The following KCNMA1 variants were observed in gnomAD, a reference collection of about 807,000 sequenced individuals.
KCNMA1 encodes the protein Calcium-activated potassium channel subunit alpha-1.
In KCNMA1, 29 loss-of-function variants were observed where a neutral mutation model predicts 140.0. The observed-to-expected ratio is 0.21, with a 90% confidence interval of 0.15 to 0.28. The LOEUF is 0.28. Ranked by LOEUF, KCNMA1 falls within the 10% of genes least tolerant of loss-of-function variation. KCNMA1 has a pLI of 1.00. For missense variants in KCNMA1, 880 were observed against 1,602.2 expected, an observed-to-expected ratio of 0.55 and a Z score of 7.70; for synonymous variants, 612 against 611.9, an observed-to-expected ratio of 1.00 and a Z score of 0.00.
intron 5 of KCNMA1, among the ~76,000 whole-genome samples, chr10:77,156,227 TAA>T (rs58950492): frequency 0.031 from 3,757 of 120,024 alleles, 122 homozygotes; most frequent in African/African-American, 0.074. Context: ...GACTCCATCT[TAA>T]AAAAAAAAAA....
At chr10:77,557,799 G>A (rs911342818) in intron 1 of KCNMA1, among the ~76,000 whole-genome samples, 6 of 152,002 alleles carry the variant, frequency 3.9e-5, no homozygotes, top group South Asian at 2.1e-4. Flanking sequence ...ACAGGTGCCC[G>A]CCACCATACC....
chr10:77,068,399 T>C (rs2096041980), intron 14 of KCNMA1, among the ~76,000 whole-genome samples: 1 of 152,182 alleles, frequency 6.6e-6, no homozygotes, highest in Admixed American at 6.5e-5. Flanking sequence ...ATGATTCCCT[T>C]GGCTATGGTT....
chr10:77,066,225 A>C (rs1386260851), intron 14 of KCNMA1, among the ~76,000 whole-genome samples: 1 of 152,182 alleles, frequency 6.6e-6, no homozygotes, highest in African/African-American at 2.4e-5. Context: ...AGGCTGGTGT[A>C]ATATTCTAGG....
intron 15 of KCNMA1, among the ~76,000 whole-genome samples, chr10:77,035,170 C>T (rs1183892906): frequency 1.3e-5 from 2 of 152,220 alleles, no homozygotes; most frequent in Non-Finnish European, 2.9e-5. Context: ...TGGAAAATCT[C>T]GGAGACCTAG....
At chr10:77,576,274 C>T (rs2074053207) in intron 1 of KCNMA1, among the ~76,000 whole-genome samples, 1 of 152,214 alleles carries the variant, frequency 6.6e-6, no homozygotes, top group Non-Finnish European at 1.5e-5. Flanking sequence ...AGAGATCTGC[C>T]TCCTTGAAAC....
chr10:77,552,874 C>A (rs950497279), intron 1 of KCNMA1, among the ~76,000 whole-genome samples: 8 of 152,064 alleles, frequency 5.3e-5, no homozygotes, highest in Admixed American at 5.2e-4. Context: ...CATGGTGAAA[C>A]CCTGTCTCCA....
chr10:76,972,890 T>C (rs912509005), intron 19 of KCNMA1, among the ~76,000 whole-genome samples: 1 of 152,242 alleles, frequency 6.6e-6, no homozygotes, highest in Non-Finnish European at 1.5e-5. Flanking sequence ...TATTTAATTA[T>C]CAGCCTTTAT....
rs986986281 is a variant in KCNMA1, at chr10:77,192,419, T to C, written c.603-7503A>G. 5.3e-5 allele frequency among the ~76,000 whole-genome samples: 8 copies of C among 152,162 alleles called. No individual in the cohort carries two copies. In the East Asian group the frequency reaches 5.8e-4, roughly 11 times the overall value. On this transcript the variant is annotated intron_variant, in intron 3 of 27. Coordinates refer to ENST00000286628, the MANE Select transcript of KCNMA1 (RefSeq NM_001161352.2). ...TATCCACGATAGACCTAGATAGGTA[T>C]AGCAAAAGCAAAATACGGGCATTAC... is the stretch of plus-strand genomic sequence containing the variant.
At chr10:77,114,321 A>G (rs1477606040) in intron 6 of KCNMA1, among the ~76,000 whole-genome samples, 1 of 152,194 alleles carries the variant, frequency 6.6e-6, no homozygotes, top group Non-Finnish European at 1.5e-5. Flanking sequence ...GTGACTCTGC[A>G]CTGAGTGCAC....
At chr10:77,377,817 C>T (rs556242676) in intron 2 of KCNMA1, among the ~76,000 whole-genome samples, 2 of 152,298 alleles carry the variant, frequency 1.3e-5, no homozygotes. Flanking sequence ...ACTCTGAGCC[C>T]GAGTTCCCTC....
At chr10:77,573,652 A>G (rs79404612) in intron 1 of KCNMA1, among the ~76,000 whole-genome samples, 949 of 47,608 alleles carry the variant, frequency 0.02, 3 homozygotes, top group African/African-American at 0.06. Flanking sequence ...GGAATAGAAT[A>G]GAATAGAATA....
chr10:76,947,587 C>G (rs185627445), intron 22 of KCNMA1, among the ~76,000 whole-genome samples: 1 of 152,274 alleles, frequency 6.6e-6, no homozygotes, highest in South Asian at 2.1e-4. Flanking sequence ...ATAATCAAAT[C>G]GACCATATTT....
At chr10:76,985,199 G>A (rs1192334925) in intron 19 of KCNMA1, among the ~76,000 whole-genome samples, 1 of 152,196 alleles carries the variant, frequency 6.6e-6, no homozygotes, top group Non-Finnish European at 1.5e-5. Flanking sequence ...TAAAAACCTA[G>A]AATGTTAATT....
Position 77,395,116 on chromosome 10 carries a change from G to T in KCNMA1, c.540+8746C>A, listed in dbSNP as rs1291472693. Among the ~76,000 whole-genome samples, 10 of 152,246 alleles carry T rather than the reference G, an allele frequency of 6.6e-5. No homozygotes were observed. The East Asian group carries it at 1.9e-3, about 29-fold the overall frequency. On this transcript the variant is annotated intron_variant, in intron 2 of 27. Coordinates refer to ENST00000286628, the MANE Select transcript of KCNMA1 (RefSeq NM_001161352.2). Reference sequence around the variant, plus strand: ...AATCCCAGCACTTTGGGAGGTCAAGGTGAGAGGATTGCCTGGGCCCAGGGG... The same window carrying T: ...AATCCCAGCACTTTGGGAGGTCAAGTTGAGAGGATTGCCTGGGCCCAGGGG...
In KCNMA1 at chr10:77,455,160, T is replaced by A. The variant is rs367622986; in HGVS notation, c.379-51137A>T. Among the ~76,000 whole-genome samples the A allele has an allele frequency of 1.2e-4, 18 of 152,324 alleles. No individual in the cohort carries two copies. The East Asian group carries it at 1.7e-3, about 15-fold the overall frequency. ...ACAGATATTTACTGAGTACCTACCA[T>A]GTGCTTGGCAATACTTTCCAATCTT... On this transcript the variant is annotated intron_variant, in intron 1 of 27. Transcript: ENST00000286628.
chr10:77,381,963 G>A (rs945427055), intron 2 of KCNMA1, among the ~76,000 whole-genome samples: 5 of 152,088 alleles, frequency 3.3e-5, no homozygotes, highest in Non-Finnish European at 5.9e-5. Flanking sequence ...CCTGAGAGGC[G>A]CCACCCAACA....
At chr10:77,160,143 T>C (rs2098539383) in intron 5 of KCNMA1, among the ~76,000 whole-genome samples, 1 of 152,146 alleles carries the variant, frequency 6.6e-6, no homozygotes, top group Non-Finnish European at 1.5e-5. Flanking sequence ...TCCAAGGGTG[T>C]CAACGGAGTA....
Position 76,986,008 on chromosome 10 carries a change from T to A in KCNMA1, c.2266+15399A>T, listed in dbSNP as rs2081174203. Among the ~76,000 whole-genome samples, 3 of 152,194 alleles carry A rather than the reference T, an allele frequency of 2.0e-5. No homozygotes were observed. In the South Asian group the frequency reaches 6.2e-4, roughly 32 times the overall value. ...TGAAACAAATAAACCTCAAATGGGATCAAAGGGCCCCGGTAAATGAAAAAT... is the reference window on the plus strand; with the variant it reads ...TGAAACAAATAAACCTCAAATGGGAACAAAGGGCCCCGGTAAATGAAAAAT... On this transcript the variant is annotated intron_variant, in intron 19 of 27. Transcript: ENST00000286628.
intron 1 of KCNMA1, among the ~76,000 whole-genome samples, chr10:77,470,190 C>T (rs1214902923): frequency 6.6e-6 from 1 of 152,148 alleles, no homozygotes; most frequent in Admixed American, 6.5e-5. Flanking sequence ...GAAAGGGAAA[C>T]AGGTGGAATT....
Sources: gnomAD v4.1 joint callset for allele counts (sites outside exome capture counted in the v4.1 genomes callset) on GRCh38, gnomAD v4.1.1 for gene constraint, MANE v1.5 for transcripts, NCBI Gene and HGNC (gene_info 2026-07-23, HGNC 2026-07-21) for gene names.